KCNIP4: variants seen among roughly 807,000 people sequenced by gnomAD.
The protein encoded by KCNIP4 is Kv channel-interacting protein 4.
In KCNIP4, 12 loss-of-function variants were observed where a neutral mutation model predicts 34.0. The observed-to-expected ratio is 0.35, with a 90% CI of 0.23 to 0.57. The LOEUF (loss-of-function observed/expected upper bound fraction) is 0.57. Among genes scored for constraint, KCNIP4 ranks in the 20% least tolerant of loss-of-function variants. The probability of loss-of-function intolerance (pLI) is 0.83; values close to 1 mark genes in which losing one functional copy is unlikely to be tolerated. For synonymous variants in KCNIP4, 124 were observed against 102.2 expected (o/e 1.21, Z -1.29); for missense variants, 238 against 311.7 (o/e 0.76, Z 1.78).
chr4:21,117,570 C>T (rs1749802744), intron 1 of KCNIP4, among the ~76,000 whole-genome samples: 1 of 152,062 alleles, frequency 6.6e-6, no homozygotes, highest in South Asian at 2.1e-4. Context: ...AACCTGTTGC[C>T]AAAGAGTTAA....
intron 3 of KCNIP4, among the ~76,000 whole-genome samples, chr4:20,772,144 C>T (rs1755948217): frequency 6.6e-6 from 1 of 152,110 alleles, no homozygotes. Flanking sequence ...GTCAGTGGGA[C>T]TGGGATTTGA....
At chr4:20,942,278 C>A (rs1219917885) in intron 1 of KCNIP4, among the ~76,000 whole-genome samples, 1 of 152,146 alleles carries the variant, frequency 6.6e-6, no homozygotes, top group East Asian at 1.9e-4. Context: ...CTTAACCAAC[C>A]TGTAAGGCAG....
chr4:20,950,109 G>T (rs895858387), intron 1 of KCNIP4, among the ~76,000 whole-genome samples: 2 of 136,388 alleles, frequency 1.5e-5, no homozygotes, highest in Non-Finnish European at 3.1e-5. Context: ...AAAATCCAGA[G>T]AAATAAAAAT....
intron 1 of KCNIP4, among the ~76,000 whole-genome samples, chr4:21,083,092 C>T (rs1746142384): frequency 6.6e-6 from 1 of 151,780 alleles, no homozygotes; most frequent in Non-Finnish European, 1.5e-5. Context: ...TACCCCTCAT[C>T]ATATTGCCTT....
intron 1 of KCNIP4, among the ~76,000 whole-genome samples, chr4:21,199,983 T>C (rs560594688): frequency 9.9e-5 from 15 of 151,954 alleles, no homozygotes; most frequent in African/African-American, 1.7e-4. Context: ...TAGGTGGGAA[T>C]TGAACAATGA....
intron 1 of KCNIP4, among the ~76,000 whole-genome samples, chr4:21,595,952 T>C (rs1161895932): frequency 1.3e-5 from 2 of 152,120 alleles, no homozygotes; most frequent in East Asian, 1.9e-4. Flanking sequence ...ACTTGAAATC[T>C]CCTGCTTTCC....
chr4:20,805,222 G>A (rs1714923309), intron 3 of KCNIP4, among the ~76,000 whole-genome samples: 1 of 134,126 alleles, frequency 7.5e-6, no homozygotes, highest in South Asian at 2.5e-4. Flanking sequence ...TTTTTAAAGA[G>A]GCAGGGTCTT....
At chr4:21,060,607 T>C (rs1743827905) in intron 1 of KCNIP4, among the ~76,000 whole-genome samples, 2 of 152,124 alleles carry the variant, frequency 1.3e-5, no homozygotes, top group African/African-American at 4.8e-5. Flanking sequence ...CGGTTGCATA[T>C]AAAGGAGTCA....
rs186031006 is a variant in KCNIP4, at chr4:20,924,472, G to C, written c.62-41763C>G. ...CATTCCCCTTTATATATTTTTAATA[G>C]AGTCTATTTCAATATATTGCAATAT... is the stretch of plus-strand genomic sequence containing the variant. On this transcript the variant is annotated intron_variant, in intron 1 of 8. Transcript: ENST00000382152. Among the ~76,000 whole-genome samples the C allele has an allele frequency of 3.0e-3, 461 of 152,238 alleles. 2 individuals carry two copies. The highest frequency in any genetic ancestry group is 5.2e-3 in the Non-Finnish European group (356 of 67,998).
chr4:21,018,434 C>G (rs1362311071), intron 1 of KCNIP4, among the ~76,000 whole-genome samples: 1 of 152,174 alleles, frequency 6.6e-6, no homozygotes, highest in Non-Finnish European at 1.5e-5. Context: ...GAATCTGGGT[C>G]GTGGCTCCTG....
At chr4:21,613,591 A>G (rs182906440) in intron 1 of KCNIP4, 133 of 152,322 alleles carry the variant, frequency 8.7e-4, no homozygotes, top group African/African-American at 2.8e-3. Context: ...TGTTGTTTTA[A>G]GCCACTAAAT....
intron 1 of KCNIP4, among the ~76,000 whole-genome samples, chr4:21,031,385 A>C (rs923904172): frequency 1.3e-5 from 2 of 152,340 alleles, no homozygotes; most frequent in Admixed American, 1.3e-4. Context: ...GAGATGTTAA[A>C]TAATTTACAA....
chr4:21,539,040 C>T (rs527269453), intron 1 of KCNIP4, among the ~76,000 whole-genome samples: 4 of 152,230 alleles, frequency 2.6e-5, no homozygotes, highest in Admixed American at 2.6e-4. Flanking sequence ...GGCAGTTTCC[C>T]CTTTGCTCTC....
At chr4:21,436,062 G>A (rs569444389) in intron 1 of KCNIP4, among the ~76,000 whole-genome samples, 4 of 152,236 alleles carry the variant, frequency 2.6e-5, no homozygotes, top group African/African-American at 4.8e-5. Flanking sequence ...CACAAGGGAA[G>A]TCATTTAGAC....
chr4:21,589,271 T>C (rs1741961195), intron 1 of KCNIP4, among the ~76,000 whole-genome samples: 1 of 143,054 alleles, frequency 7.0e-6, no homozygotes, highest in East Asian at 2.0e-4. Context: ...TACAGATACA[T>C]ATATGTATAG....
chr4:21,185,727 A>G lies in KCNIP4; in HGVS notation c.62-303018T>C, dbSNP rs150360620. Among the ~76,000 whole-genome samples, 903 of 152,296 alleles carry G rather than the reference A, an allele frequency of 5.9e-3. 6 individuals are homozygous for G. The highest frequency in any genetic ancestry group is 0.02 in the African/African-American group (843 of 41,564). On this transcript the variant is annotated intron_variant, in intron 1 of 8. Transcript: ENST00000382152. The stretch of plus-strand genomic sequence containing the variant: ...CATTTTCAACTAATCCTTAGGGTCA[A>G]AATTATTCCAGTTCATTTTCTTTAT...
intron 3 of KCNIP4, among the ~76,000 whole-genome samples, chr4:20,777,993 A>G (rs1216030933): frequency 1.3e-5 from 2 of 152,238 alleles, no homozygotes; most frequent in Non-Finnish European, 2.9e-5. Flanking sequence ...GCAGTCCATG[A>G]AGACCAGGAT....
chr4:21,669,175 G>C (rs1248105961), intron 1 of KCNIP4, among the ~76,000 whole-genome samples: 1 of 150,846 alleles, frequency 6.6e-6, no homozygotes, highest in Non-Finnish European at 1.5e-5. Flanking sequence ...ACCTAGGCTG[G>C]AGTGCATTGT....
At chr4:21,244,184 T>G (rs1001313415) in intron 1 of KCNIP4, among the ~76,000 whole-genome samples, 1 of 152,194 alleles carries the variant, frequency 6.6e-6, no homozygotes, top group Non-Finnish European at 1.5e-5. Flanking sequence ...ACGTGAAATT[T>G]TGATACCTGT....
Sources: gnomAD v4.1 joint callset for allele counts (sites outside exome capture counted in the v4.1 genomes callset) on GRCh38, gnomAD v4.1.1 for gene constraint, MANE v1.5 for transcripts, NCBI Gene and HGNC (gene_info 2026-07-23, HGNC 2026-07-21) for gene names.